RBFOX1: variants seen among roughly 807,000 people sequenced by gnomAD.
The protein encoded by RBFOX1 is RNA binding fox-1 homolog 1, also known as RNA binding protein fox-1 homolog 1.
Under a neutral mutation model 57.7 loss-of-function variants are expected in RBFOX1, and 8 were observed. The ratio of observed to expected loss-of-function variants is 0.14; its 90% CI spans 0.08 to 0.25. RBFOX1 has a LOEUF of 0.25. RBFOX1 is among the 10% of genes least tolerant of loss of function. The pLI, the probability that RBFOX1 is intolerant of heterozygous loss-of-function variation, is 1.00. For missense variants in RBFOX1, 611 were observed against 548.5 expected (o/e 1.11, Z -1.14); for synonymous variants, 326 against 222.4 (o/e 1.47, Z -4.15).
intron 4 of RBFOX1, among the ~76,000 whole-genome samples, chr16:5,963,856 G>C (rs2059797242): frequency 6.6e-6 from 1 of 152,040 alleles, no homozygotes. Context: ...GCAGTTTTTT[G>C]GACATGACAC....
intron 2 of RBFOX1, among the ~76,000 whole-genome samples, chr16:5,480,379 TA>T (rs61654524): frequency 0.36 from 53,897 of 148,792 alleles, 10,611 homozygotes; most frequent in South Asian, 0.55. Flanking sequence ...ATAGATTATT[TA>T]AAAAAAAAAA....
chr16:6,774,786 T>G (rs2079034066), intron 3 of RBFOX1, among the ~76,000 whole-genome samples: 1 of 152,062 alleles, frequency 6.6e-6, no homozygotes, highest in African/African-American at 2.4e-5. Flanking sequence ...GTGGGAGTGT[T>G]TTATACCTGA....
At chr16:5,951,272 A>G (rs2059514127) in intron 4 of RBFOX1, among the ~76,000 whole-genome samples, 1 of 151,984 alleles carries the variant, frequency 6.6e-6, no homozygotes. Flanking sequence ...ACATGATGAA[A>G]CCCTGTCTTT....
At chr16:7,579,614 A>T (rs2093598490) in intron 5 of RBFOX1, among the ~76,000 whole-genome samples, 163 bp from the exon 6 acceptor site, 2 of 152,280 alleles carry the variant, frequency 1.3e-5, no homozygotes, top group South Asian at 4.1e-4. Flanking sequence ...ACGCTCAGAA[A>T]ACACTTGCTG....
chr16:6,816,021 A>G (rs928587798), intron 3 of RBFOX1, among the ~76,000 whole-genome samples: 1 of 152,196 alleles, frequency 6.6e-6, no homozygotes, highest in Non-Finnish European at 1.5e-5. Flanking sequence ...TACCATTTAA[A>G]AATAATCGGC....
intron 1 of RBFOX1, among the ~76,000 whole-genome samples, chr16:5,448,522 G>T (rs2151558598): frequency 6.6e-6 from 1 of 152,308 alleles, no homozygotes; most frequent in African/African-American, 2.4e-5. Context: ...TTCCAAGCCA[G>T]ACACACTGTG....
At chr16:7,457,230 C>T (rs989441981) in intron 4 of RBFOX1, among the ~76,000 whole-genome samples, 1 of 151,990 alleles carries the variant, frequency 6.6e-6, no homozygotes, top group Non-Finnish European at 1.5e-5. Flanking sequence ...TCCATGAATG[C>T]AAGCAGTGGC....
At chr16:6,104,841 G>C (rs901858758) in intron 1 of RBFOX1, among the ~76,000 whole-genome samples, 1 of 152,206 alleles carries the variant, frequency 6.6e-6, no homozygotes, top group Non-Finnish European at 1.5e-5. Flanking sequence ...AGCTGCAAAA[G>C]ACTACTTATT....
intron 4 of RBFOX1, among the ~76,000 whole-genome samples, chr16:5,987,544 C>A (rs933606684): frequency 6.6e-6 from 1 of 152,066 alleles, no homozygotes; most frequent in African/African-American, 2.4e-5. Context: ...TTATAAAAGT[C>A]ATAAGCGGGG....
chr16:6,498,617 C>T (rs901341377), intron 2 of RBFOX1, among the ~76,000 whole-genome samples: 1 of 152,094 alleles, frequency 6.6e-6, no homozygotes. Context: ...GAGCAATATA[C>T]AATTAGTTCC....
At chr16:5,920,434 G>A (rs2058796757) in intron 4 of RBFOX1, among the ~76,000 whole-genome samples, 2 of 152,116 alleles carry the variant, frequency 1.3e-5, no homozygotes, top group Non-Finnish European at 2.9e-5. Flanking sequence ...GTCTGTTTGG[G>A]GACCTGTTTT....
At chr16:5,920,699 C>G (rs2058802370) in intron 4 of RBFOX1, among the ~76,000 whole-genome samples, 1 of 152,148 alleles carries the variant, frequency 6.6e-6, no homozygotes, top group African/African-American at 2.4e-5. Flanking sequence ...GGATCCTCGT[C>G]CTTGAGATGC....
At chr16:6,427,635 G>A (rs190055822) in intron 2 of RBFOX1, among the ~76,000 whole-genome samples, 26 of 152,170 alleles carry the variant, frequency 1.7e-4, no homozygotes, top group African/African-American at 6.0e-4. Context: ...CAAGTAAGGT[G>A]GATTATTTTT....
chr16:7,527,259 C>T (rs2078916887), intron 5 of RBFOX1, among the ~76,000 whole-genome samples: 1 of 152,144 alleles, frequency 6.6e-6, no homozygotes, highest in African/African-American at 2.4e-5. Flanking sequence ...CCCATGTATT[C>T]TCTGCAATAC....
intron 1 of RBFOX1, among the ~76,000 whole-genome samples, chr16:6,236,099 G>A (rs946367625): frequency 1.5e-4 from 23 of 152,272 alleles, no homozygotes; most frequent in African/African-American, 4.8e-4. Context: ...TTTCTCATAG[G>A]CATGATTTAT....
intron 3 of RBFOX1, among the ~76,000 whole-genome samples, chr16:5,764,394 C>G (rs2053703104): frequency 6.6e-6 from 1 of 152,218 alleles, no homozygotes; most frequent in South Asian, 2.1e-4. Context: ...CACCCAGCCT[C>G]TTGTAAAGCC....
intron 1 of RBFOX1, among the ~76,000 whole-genome samples, chr16:6,107,772 G>A (rs1597376325): frequency 6.6e-6 from 1 of 151,610 alleles, no homozygotes; most frequent in African/African-American, 2.4e-5. Flanking sequence ...TGGGTGGGTG[G>A]ATGGATGGAT....
At chr16:7,218,868 T>TCCAG (rs2092488614) in intron 4 of RBFOX1, among the ~76,000 whole-genome samples, 3 of 152,080 alleles carry the variant, frequency 2.0e-5, no homozygotes, top group African/African-American at 7.2e-5. Context: ...GACTCACCCC[T>TCCAG]CCAGCCTCGA....
intron 2 of RBFOX1, among the ~76,000 whole-genome samples, chr16:6,419,675 A>G (rs1335652370): frequency 6.6e-6 from 1 of 152,148 alleles, no homozygotes; most frequent in Non-Finnish European, 1.5e-5. Context: ...TGGGATACCT[A>G]CAGGCATCCC....
Sources: gnomAD v4.1 joint callset for allele counts (sites outside exome capture counted in the v4.1 genomes callset) on GRCh38, gnomAD v4.1.1 for gene constraint, MANE v1.5 for transcripts, NCBI Gene and HGNC (gene_info 2026-07-23, HGNC 2026-07-21) for gene names.